The following GFM1 variants were observed in gnomAD, a reference collection of about 807,000 sequenced individuals.
GFM1 encodes the protein G elongation factor mitochondrial 1.
In GFM1, 62 loss-of-function variants were observed where a neutral mutation model predicts 96.2. The observed-to-expected ratio is 0.64, with a 90% CI of 0.53 to 0.80. The LOEUF (loss-of-function observed/expected upper bound fraction) is 0.80. Among genes scored for constraint, GFM1 ranks in the 30% least tolerant of loss-of-function variants. GFM1 has a pLI of 0.00. For synonymous variants in GFM1, 282 were observed against 312.9 expected, an observed-to-expected ratio of 0.90 and a Z score of 1.04; for missense variants, 852 against 916.6, an observed-to-expected ratio of 0.93 and a Z score of 0.91.
At position 158,654,609 on chromosome 3, in the gene GFM1, T is replaced by C; in HGVS notation, c.1061T>C (p.Val354Ala). The C allele has an allele frequency of 6.2e-7, 1 of 1,612,782 alleles. No individual in the cohort carries two copies. The highest frequency in any genetic ancestry group is 2.2e-5 in the East Asian group (1 of 44,812). Residue 354 changes from valine to alanine, a missense_variant, in exon 8 of 18, where the codon GTA becomes GCA. Transcript: ENST00000486715. Reference sequence around the variant, plus strand: ...AGTAGAGACAATTCCCACCCATTTGTAGGCCTGGCTTTTAAACTGGAGGTA... The same window carrying C: ...AGTAGAGACAATTCCCACCCATTTGCAGGCCTGGCTTTTAAACTGGAGGTA... ...NSSRDNSHPF[V>A]GLAFKLEVGR...
At chr3:158,647,696 G>GT (rs967472456) in intron 4 of GFM1, among the ~76,000 whole-genome samples, 12 of 152,060 alleles carry the variant, frequency 7.9e-5, no homozygotes, top group Non-Finnish European at 1.6e-4. Context: ...TTAGTTGGGT[G>GT]TTTATAACTT....
chr3:158,663,977 G>T (rs1481604400), intron 11 of GFM1, among the ~76,000 whole-genome samples: 1 of 152,160 alleles, frequency 6.6e-6, no homozygotes, highest in African/African-American at 2.4e-5. Flanking sequence ...AAAGGCAAAA[G>T]ACCTAGAAAG....
Position 158,682,087 on chromosome 3 carries a change from C to G in GFM1, c.1694C>G (p.Thr565Ser). 1 of 1,613,568 alleles carries G rather than the reference C, an allele frequency of 6.2e-7. No individual in the cohort carries two copies. ...VLEPLDPEDY[T>S]KLEFSDETFG... ...GAGCCTCTGGACCCAGAGGACTACA[C>G]TAAATTGGAATTTTCAGATGAAACA... Residue 565 changes from threonine to serine, a missense_variant, in exon 14 of 18, where the codon ACT (threonine) becomes AGT (serine). Physicochemically the swap from Thr to Ser is moderately conservative, Grantham distance 58. Coordinates refer to ENST00000486715, the MANE Select transcript of GFM1 (RefSeq NM_024996.7).
At chr3:158,657,128 G>T (rs1379936772) in intron 8 of GFM1, 1 of 151,986 alleles carries the variant, frequency 6.6e-6, no homozygotes, top group African/African-American at 2.4e-5. Context: ...GTTATTTCTG[G>T]GATGGGATTA....
chr3:158,652,785 C>A (rs1383812293), intron 6 of GFM1, among the ~76,000 whole-genome samples: 3 of 152,318 alleles, frequency 2.0e-5, no homozygotes, highest in Middle Eastern at 3.4e-3. Context: ...CGTAATAGAG[C>A]ATACGTTCAT....
At chr3:158,659,727 C>T (rs1174770983) in intron 9 of GFM1, among the ~76,000 whole-genome samples, 1 of 152,200 alleles carries the variant, frequency 6.6e-6, no homozygotes, top group Non-Finnish European at 1.5e-5. Flanking sequence ...CCACCCTCTC[C>T]CAATCCATCT....
Position 158,660,936 on chromosome 3 carries a change from A to G in GFM1, c.1284A>G (p.Gly428=). Residue 428 remains glycine, a synonymous_variant, in exon 10 of 18, where the codon GGA becomes GGG. Transcript: ENST00000486715. ...TGTTTGGCATTGACTGTGCTAGTGG[A>G]GACACATTCACAGACAAAGCCAACA... The part of the protein sequence containing the change: ...CALFGIDCAS[G]DTFTDKANSG... The G allele has an allele frequency of 1.2e-6, 2 of 1,614,058 alleles. No homozygotes were observed. The highest frequency in any genetic ancestry group is 1.7e-6 in the Non-Finnish European group (2 of 1,179,908).
chr3:158,657,581 T>A (rs1038769190), intron 8 of GFM1: 2 of 152,190 alleles, frequency 1.3e-5, no homozygotes, highest in Non-Finnish European at 2.9e-5. Context: ...CATTCATTAA[T>A]TTTTAACCTT....
chr3:158,684,641 C>T lies in GFM1; in HGVS notation c.1882C>T (p.Arg628Ter), dbSNP rs889180452. ...MVDSNEISFI[R>*]AGEGALKQAL... is the part of the protein sequence containing the mutation. The stretch of plus-strand genomic sequence containing the variant: ...TGATTCTAATGAAATCTCTTTCATC[C>T]GAGCAGGAGAAGGTGCTCTTAAACA... The change falls in exon 15 of 18, where the codon CGA becomes TGA. Residue 628 changes from arginine to a stop codon, truncating the protein, a stop_gained. Coordinates refer to ENST00000486715, the MANE Select transcript of GFM1 (RefSeq NM_024996.7). LOFTEE classifies it high-confidence loss of function. 7 of 1,613,894 alleles carry T rather than the reference C, an allele frequency of 4.3e-6. No homozygotes were observed. Among genetic ancestry groups the T allele is most frequent in the African/African-American group, 1.3e-5 (1 of 74,882 alleles).
chr3:158,644,796 C>A (rs1190139826), intron 1 of GFM1, 81 bp downstream of exon 1: 7 of 1,216,828 alleles, frequency 5.8e-6, no homozygotes, highest in African/African-American at 4.5e-5. Flanking sequence ...GCCGTGACAC[C>A]CCCTGGGTCC....
intron 13 of GFM1, 50 bp from the exon 14 acceptor site, chr3:158,681,945 A>T: frequency 6.8e-7 from 1 of 1,462,636 alleles, no homozygotes. Flanking sequence ...GAGTTATTTT[A>T]TTTTGTAATT....
intron 5 of GFM1, chr3:158,649,790 G>T: frequency 1.9e-6 from 1 of 525,034 alleles, no homozygotes; most frequent in Non-Finnish European, 3.4e-6. Context: ...TGGAGACTTT[G>T]TTAAAAGACA....
At chr3:158,674,103 CAG>C (rs1724652771) in intron 13 of GFM1, among the ~76,000 whole-genome samples, 1 of 138,930 alleles carries the variant, frequency 7.2e-6, no homozygotes, top group Non-Finnish European at 1.5e-5. Context: ...TTTTTGGAGA[CAG>C]AGTTTCGCTC....
chr3:158,664,987 T>C (rs1430660332), intron 11 of GFM1, among the ~76,000 whole-genome samples: 2 of 152,176 alleles, frequency 1.3e-5, no homozygotes, highest in Non-Finnish European at 2.9e-5. Context: ...TGATTATGTA[T>C]AGGATTTCTA....
In GFM1 at chr3:158,649,235, C is replaced by T. The variant is rs575751914; in HGVS notation, c.689+78C>T. On this transcript the variant is annotated intron_variant, in intron 5 of 17. Transcript: ENST00000486715. ...AGAAGGAAAGGATAAGTTCATCAAACGCAGAGTAACTATCTTTTTGAAATG... is the reference window on the plus strand; with the variant it reads ...AGAAGGAAAGGATAAGTTCATCAAATGCAGAGTAACTATCTTTTTGAAATG... The T allele has an allele frequency of 8.1e-5, 58 of 715,556 alleles. 1 individual carries two copies. Among genetic ancestry groups the T allele is most frequent in the South Asian group, 7.6e-4 (51 of 67,150 alleles). The allele number at this position is 715,556 out of a possible 1,614,324, so 44.3% of individuals were successfully genotyped here.
chr3:158,673,349 G>T (rs9833067), intron 13 of GFM1, among the ~76,000 whole-genome samples: 63,136 of 151,800 alleles, frequency 0.42, 14,275 homozygotes, highest in African/African-American at 0.6. Flanking sequence ...CTGGTATGTG[G>T]TCTACCTCAT....
chr3:158,646,519 A>G (rs955065891), intron 3 of GFM1, among the ~76,000 whole-genome samples: 12 of 152,196 alleles, frequency 7.9e-5, no homozygotes, highest in Middle Eastern at 3.2e-3. Flanking sequence ...CTTGCCTTTT[A>G]CATATTCTAG....
Position 158,659,008 on chromosome 3 carries a change from A to C in GFM1, c.1170A>C (p.Arg390Ser). Reference protein sequence around the residue: ...KGDTIYNTRTRKKVRLQRLAR... With the variant: ...KGDTIYNTRTSKKVRLQRLAR... ...ACACCATCTATAACACAAGGACAAG[A>C]AAGAAAGTACGGTTGCAACGGCTGG... Residue 390 changes from arginine to serine, a missense_variant, in exon 9 of 18, where the codon AGA becomes AGC. Arg to Ser is a moderately radical substitution (Grantham distance 110). Transcript: ENST00000486715. 6.2e-7 allele frequency: 1 copy of C among 1,614,226 alleles called. No individual in the cohort carries two copies. Among genetic ancestry groups the C allele is most frequent in the South Asian group, 1.1e-5 (1 of 91,080 alleles).
intron 15 of GFM1, chr3:158,685,078 C>T (rs557333399): frequency 6.1e-6 from 1 of 163,762 alleles, no homozygotes; most frequent in South Asian, 1.6e-4. Context: ...ACATTGTATG[C>T]TTTTAGGCAT....
Sources: gnomAD v4.1 joint callset for allele counts (sites outside exome capture counted in the v4.1 genomes callset) on GRCh38, gnomAD v4.1.1 for gene constraint, MANE v1.5 for transcripts, NCBI Gene and HGNC (gene_info 2026-07-23, HGNC 2026-07-21) for gene names.